Variants in KPNA3 observed in about 807,000 individuals in gnomAD.
The protein encoded by KPNA3 is karyopherin subunit alpha 3.
In KPNA3, 13 loss-of-function variants were observed where a neutral mutation model predicts 73.8. The ratio of observed to expected loss-of-function variants is 0.18; its 90% CI spans 0.11 to 0.28. KPNA3 has a LOEUF of 0.28. Ranked by LOEUF, KPNA3 falls within the 10% of genes least tolerant of loss-of-function variation. The pLI is 1.00. For synonymous variants in KPNA3, 186 were observed against 206.9 expected (o/e 0.90, Z 0.87); for missense variants, 360 against 618.1 (o/e 0.58, Z 4.43).
Position 49,699,895 on chromosome 13 carries a change from G to C in KPNA3, c.*1905C>G, listed in dbSNP as rs1954132538. 6.6e-6 allele frequency: 1 copy of C among 152,422 alleles called. No individual in the cohort carries two copies. Among genetic ancestry groups the C allele is most frequent in the Admixed American group, 6.5e-5 (1 of 15,274 alleles). The allele number at this position is 152,422 out of a possible 1,614,324, so 9.4% of individuals were successfully genotyped here. A position where few individuals can be genotyped will look rare whatever the true frequency, so the allele number is the denominator to read the frequency against. On this transcript the variant is annotated 3_prime_UTR_variant, in exon 17 of 17. Transcript: ENST00000261667. ...TTCAAAAATTTAGACTATAGTGTCC[G>C]AACAGGATGCAGTTACCATATGAAG...
chr13:49,767,495 T>C (rs1187460878), intron 1 of KPNA3, among the ~76,000 whole-genome samples: 1 of 152,140 alleles, frequency 6.6e-6, no homozygotes, highest in Non-Finnish European at 1.5e-5. Flanking sequence ...TATATTTTCA[T>C]TATCTTGATT....
intron 2 of KPNA3, among the ~76,000 whole-genome samples, chr13:49,742,948 G>A (rs1025125824): frequency 3.9e-5 from 6 of 152,006 alleles, no homozygotes; most frequent in East Asian, 1.9e-4. Context: ...AATTTAATTC[G>A]TGAATATCAG....
At chr13:49,759,395 T>A (rs1954739060) in intron 1 of KPNA3, among the ~76,000 whole-genome samples, 1 of 152,198 alleles carries the variant, frequency 6.6e-6, no homozygotes, top group Non-Finnish European at 1.5e-5. Flanking sequence ...AAGACAATTT[T>A]TCCATGGACT....
intron 10 of KPNA3, among the ~76,000 whole-genome samples, chr13:49,718,613 T>C (rs1360585461): frequency 6.6e-6 from 1 of 152,240 alleles, no homozygotes; most frequent in Non-Finnish European, 1.5e-5. Context: ...ACTAAACTTC[T>C]GTATAAATTT....
At chr13:49,781,174 C>G (rs1048184549) in intron 1 of KPNA3, among the ~76,000 whole-genome samples, 7 of 152,204 alleles carry the variant, frequency 4.6e-5, no homozygotes, top group African/African-American at 1.4e-4. Context: ...CCCAGGCCAA[C>G]TCAGGTGATT....
At chr13:49,774,275 TAAAAAGAG>T (rs1954878690) in intron 1 of KPNA3, among the ~76,000 whole-genome samples, 1 of 152,018 alleles carries the variant, frequency 6.6e-6, no homozygotes, top group Non-Finnish European at 1.5e-5. Context: ...ATGGATTCTT[TAAAAAGAG>T]AAAAAGATTA....
chr13:49,735,550 T>G (rs550527822), intron 2 of KPNA3, among the ~76,000 whole-genome samples: 1 of 152,304 alleles, frequency 6.6e-6, no homozygotes, highest in South Asian at 2.1e-4. Flanking sequence ...CTAGAGATTT[T>G]TACCCTCCTG....
chr13:49,736,694 A>ATG (rs986395843), intron 2 of KPNA3, among the ~76,000 whole-genome samples: 8 of 151,994 alleles, frequency 5.3e-5, no homozygotes, highest in African/African-American at 1.2e-4. Flanking sequence ...ATGTATTTGC[A>ATG]TGTGTGTGTG....
chr13:49,717,173 G>C (rs918379729), intron 10 of KPNA3, among the ~76,000 whole-genome samples: 2 of 152,000 alleles, frequency 1.3e-5, no homozygotes, highest in Non-Finnish European at 2.9e-5. Context: ...AATTTTATCT[G>C]TATAAAACAA....
chr13:49,713,561 T>C lies in KPNA3; in HGVS notation c.772-2539A>G, dbSNP rs550787083. 1.2e-4 allele frequency among the ~76,000 whole-genome samples: 17 copies of C among 146,872 alleles called. 2 individuals carry two copies. The Admixed American group carries it at 1.2e-3, about 10-fold the overall frequency. On this transcript the variant is annotated intron_variant, in intron 10 of 16. Transcript: ENST00000261667. Reference sequence around the variant, plus strand: ...ATCACAAGGCAAAAAACTTATACATTAATAAAATGAAAACCAAAAAGGCTT... The same window carrying C: ...ATCACAAGGCAAAAAACTTATACATCAATAAAATGAAAACCAAAAAGGCTT...
chr13:49,702,928 G>A (rs1954161084), intron 15 of KPNA3, among the ~76,000 whole-genome samples: 1 of 152,042 alleles, frequency 6.6e-6, no homozygotes, highest in Non-Finnish European at 1.5e-5. Flanking sequence ...GAGTGCAGAG[G>A]TGTGATCTCG....
chr13:49,723,082 A>ATTTTT (rs71078883), intron 7 of KPNA3, among the ~76,000 whole-genome samples: 1 of 147,492 alleles, frequency 6.8e-6, no homozygotes. Flanking sequence ...GCACTACCTC[A>ATTTTT]TTTTTTTTTT....
At chr13:49,735,531 A>G (rs1954514236) in intron 2 of KPNA3, among the ~76,000 whole-genome samples, 1 of 152,220 alleles carries the variant, frequency 6.6e-6, no homozygotes, top group Non-Finnish European at 1.5e-5. Flanking sequence ...CTGTCCCTTC[A>G]GTTGATACCT....
chr13:49,730,763 TC>T (rs1331058332), intron 6 of KPNA3, among the ~76,000 whole-genome samples: 2 of 67,126 alleles, frequency 3.0e-5, no homozygotes, highest in African/African-American at 7.2e-5. Flanking sequence ...ATGCTATCCC[TC>T]CCCCCTCCCC....
intron 1 of KPNA3, among the ~76,000 whole-genome samples, chr13:49,789,497 C>T (rs58124341): frequency 0.12 from 18,226 of 152,110 alleles, 2,178 homozygotes; most frequent in East Asian, 0.58. Flanking sequence ...TTGCACCTAA[C>T]ATCTTGTGTA....
intron 1 of KPNA3, among the ~76,000 whole-genome samples, chr13:49,749,694 C>T (rs1471876815): frequency 6.6e-6 from 1 of 152,198 alleles, no homozygotes; most frequent in Non-Finnish European, 1.5e-5. Flanking sequence ...TTTATATATG[C>T]AGCATAATTC....
intron 2 of KPNA3, among the ~76,000 whole-genome samples, chr13:49,743,000 GAGATGGGCTA>G (rs3837530): frequency 0.11 from 16,802 of 152,176 alleles, 1,146 homozygotes; most frequent in South Asian, 0.26. Flanking sequence ...TAGGCATTTT[GAGATGGGCTA>G]AGAAAGAGAC....
rs556430945 is a variant in KPNA3, at chr13:49,724,405, G to A, written c.469+1011C>T. 2.6e-5 allele frequency among the ~76,000 whole-genome samples: 4 copies of A among 151,664 alleles called. No homozygotes were observed. In the East Asian group the frequency reaches 5.8e-4, roughly 22 times the overall value. On this transcript the variant is annotated intron_variant, in intron 7 of 16. Coordinates refer to ENST00000261667, the MANE Select transcript of KPNA3 (RefSeq NM_002267.4). ...TGCAAGCTCCGCCTCCCGGGTTCACGCCATTCTCCCGCCTCAGCCTCCCAA... is the reference window on the plus strand; with the variant it reads ...TGCAAGCTCCGCCTCCCGGGTTCACACCATTCTCCCGCCTCAGCCTCCCAA...
intron 16 of KPNA3, 91 bp downstream of exon 16, chr13:49,702,295 C>A: frequency 1.4e-6 from 1 of 711,368 alleles, no homozygotes; most frequent in Non-Finnish European, 2.4e-6. Flanking sequence ...CTTATGTCAT[C>A]CTAATAATAA....
Sources: gnomAD v4.1 joint callset for allele counts (sites outside exome capture counted in the v4.1 genomes callset) on GRCh38, gnomAD v4.1.1 for gene constraint, MANE v1.5 for transcripts, NCBI Gene and HGNC (gene_info 2026-07-23, HGNC 2026-07-21) for gene names.